The following SORCS1 variants were observed in gnomAD, a reference collection of about 807,000 sequenced individuals.
The protein encoded by SORCS1 is sortilin related VPS10 domain containing receptor 1, also known as VPS10 domain-containing receptor SorCS1.
In SORCS1, 60 loss-of-function variants were observed where a neutral mutation model predicts 146.1. The observed-to-expected ratio is 0.41, with a 90% confidence interval of 0.33 to 0.51. The LOEUF is 0.51. Ranked by LOEUF, SORCS1 falls within the 20% of genes least tolerant of loss-of-function variation. The pLI is 0.21. For synonymous variants in SORCS1, 637 were observed against 584.0 expected, an observed-to-expected ratio of 1.09 and a Z score of -1.31; for missense variants, 1,352 against 1,487.6, an observed-to-expected ratio of 0.91 and a Z score of 1.50.
At chr10:107,063,827 C>T (rs1012350460) in intron 1 of SORCS1, among the ~76,000 whole-genome samples, 1 of 152,202 alleles carries the variant, frequency 6.6e-6, no homozygotes, top group Non-Finnish European at 1.5e-5. Context: ...CAACTTCTTC[C>T]TCATTCCCCC....
At chr10:106,699,514 C>T (rs1025360833) in intron 8 of SORCS1, 121 bp from the exon 9 acceptor site, 1 of 776,192 alleles carries the variant, frequency 1.3e-6, no homozygotes, top group South Asian at 2.4e-5. Context: ...TGGAAGATAG[C>T]TTCCTTTTGC....
At chr10:107,159,198 G>C (rs1969524099) in intron 1 of SORCS1, among the ~76,000 whole-genome samples, 1 of 152,140 alleles carries the variant, frequency 6.6e-6, no homozygotes, top group South Asian at 2.1e-4. Context: ...GAAGAACCTT[G>C]TGAAATAAAA....
intron 3 of SORCS1, among the ~76,000 whole-genome samples, chr10:106,796,879 G>T (rs117723370): frequency 2.4e-4 from 37 of 152,336 alleles, no homozygotes; most frequent in African/African-American, 8.7e-4. Context: ...GGAGGCCAAG[G>T]CGGATGGATT....
intron 2 of SORCS1, among the ~76,000 whole-genome samples, chr10:106,880,817 G>C (rs535687032): frequency 6.6e-6 from 1 of 152,166 alleles, no homozygotes; most frequent in East Asian, 1.9e-4. Flanking sequence ...AGCCGGGCAC[G>C]GTGGCTCACG....
At position 106,808,462 on chromosome 10, in the gene SORCS1, T is replaced by G. The variant is rs538180094; in HGVS notation, c.726+21112A>C. On this transcript the variant is annotated intron_variant, in intron 3 of 25. Coordinates refer to ENST00000263054, the MANE Select transcript of SORCS1 (RefSeq NM_052918.5). ...GGAGATAAAGAGTGGCACCCAAAAC[T>G]GTGTGGTTTTGTGTGCACAACAGAA... 7.2e-5 allele frequency among the ~76,000 whole-genome samples: 11 copies of G among 152,256 alleles called. 1 individual carries two copies. Among genetic ancestry groups the G allele is most frequent in the African/African-American group, 2.4e-4 (10 of 41,570 alleles).
At chr10:106,775,358 C>T (rs73363678) in intron 4 of SORCS1, among the ~76,000 whole-genome samples, 1 of 151,706 alleles carries the variant, frequency 6.6e-6, no homozygotes, top group Non-Finnish European at 1.5e-5. Flanking sequence ...GGTAGCCAGG[C>T]TGCTCAACAG....
chr10:107,098,087 C>T (rs1964658818), intron 1 of SORCS1, among the ~76,000 whole-genome samples: 1 of 152,178 alleles, frequency 6.6e-6, no homozygotes, highest in Admixed American at 6.5e-5. Flanking sequence ...CACATGTAGA[C>T]AATCATTAGG....
chr10:107,140,897 A>G (rs1590224264), intron 1 of SORCS1, among the ~76,000 whole-genome samples: 2 of 152,214 alleles, frequency 1.3e-5, no homozygotes, highest in South Asian at 2.1e-4. Context: ...TGACCAGTCC[A>G]ATATTTCCCG....
intron 2 of SORCS1, among the ~76,000 whole-genome samples, chr10:106,940,279 A>G (rs966988977): frequency 9.2e-5 from 14 of 152,242 alleles, no homozygotes; most frequent in African/African-American, 3.4e-4. Context: ...CTTTATATGA[A>G]TTAAACCCAC....
intron 20 of SORCS1, among the ~76,000 whole-genome samples, chr10:106,619,074 C>T (rs1049993194): frequency 3.3e-5 from 5 of 152,150 alleles, no homozygotes; most frequent in East Asian, 1.9e-4. Context: ...AGAAGACTAA[C>T]GCCCAGCATG....
chr10:106,708,854 G>C (rs968966510), intron 7 of SORCS1, among the ~76,000 whole-genome samples: 3 of 152,150 alleles, frequency 2.0e-5, no homozygotes, highest in African/African-American at 7.2e-5. Flanking sequence ...GAAAGAGACT[G>C]ACATATTTGT....
upstream of SORCS1, among the ~76,000 whole-genome samples, chr10:107,168,862 A>G (rs74319281): frequency 0.02 from 3,092 of 152,186 alleles, 55 homozygotes; most frequent in Non-Finnish European, 0.036. Context: ...CCAACTAATA[A>G]CAGATAACAC....
At chr10:106,877,848 T>A (rs1310900519) in intron 2 of SORCS1, among the ~76,000 whole-genome samples, 1 of 152,092 alleles carries the variant, frequency 6.6e-6, no homozygotes, top group Non-Finnish European at 1.5e-5. Context: ...GGCAGATTCT[T>A]CCATAATACC....
chr10:106,924,883 TTA>T (rs1217401105), intron 2 of SORCS1, among the ~76,000 whole-genome samples: 4 of 152,108 alleles, frequency 2.6e-5, no homozygotes, highest in African/African-American at 9.7e-5. Flanking sequence ...TATCTCAGGT[TTA>T]TATGTTTTCA....
chr10:106,674,258 G>A (rs1166495697), intron 14 of SORCS1, among the ~76,000 whole-genome samples: 1 of 139,690 alleles, frequency 7.2e-6, no homozygotes, highest in Non-Finnish European at 1.5e-5. Flanking sequence ...GAACCCAGGA[G>A]GCAGAGCCTG....
At chr10:106,669,064 T>C (rs936443880) in intron 16 of SORCS1, among the ~76,000 whole-genome samples, 13 of 152,208 alleles carry the variant, frequency 8.5e-5, no homozygotes, top group African/African-American at 2.9e-4. Flanking sequence ...TCATGATTCA[T>C]TTCCCACTTC....
At chr10:106,833,331 A>G (rs1279828314) in intron 2 of SORCS1, among the ~76,000 whole-genome samples, 1 of 152,196 alleles carries the variant, frequency 6.6e-6, no homozygotes, top group East Asian at 1.9e-4. Context: ...TGATAGAGAG[A>G]AAATGATGCA....
intron 20 of SORCS1, among the ~76,000 whole-genome samples, chr10:106,619,154 A>G (rs1208078032): frequency 1.3e-5 from 2 of 152,188 alleles, no homozygotes; most frequent in African/African-American, 4.8e-5. Flanking sequence ...AAAAATAAAA[A>G]ACAATAGGGG....
At chr10:107,101,395 G>A (rs1171552030) in intron 1 of SORCS1, among the ~76,000 whole-genome samples, 2 of 152,080 alleles carry the variant, frequency 1.3e-5, no homozygotes, top group Non-Finnish European at 2.9e-5. Flanking sequence ...GACAATCAAT[G>A]AACCAACACT....
Sources: allele counts gnomAD v4.1 joint callset (sites outside exome capture counted in the v4.1 genomes callset), GRCh38; gene constraint gnomAD v4.1.1; transcripts MANE v1.5; gene names NCBI Gene and HGNC (gene_info 2026-07-23, HGNC 2026-07-21).